Variants in XIRP2 observed in about 807,000 individuals in gnomAD.
The protein encoded by XIRP2 is xin actin-binding repeat-containing protein 2.
A neutral mutation model predicts 277.0 loss-of-function variants in XIRP2; 236 were observed. The ratio of observed to expected loss-of-function variants is 0.85; its 90% confidence interval spans 0.77 to 0.95. The LOEUF (loss-of-function observed/expected upper bound fraction) is 0.95. XIRP2 is among the 40% of genes least tolerant of loss of function. The probability of loss-of-function intolerance (pLI) is 0.00; values close to 1 mark genes in which losing one functional copy is unlikely to be tolerated. For missense variants in XIRP2, 4,640 were observed against 4,157.5 expected (o/e 1.12, Z -3.19); for synonymous variants, 1,490 against 1,416.5 (o/e 1.05, Z -1.17).
At chr2:167,106,591 A>T (rs1690625527) in intron 2 of XIRP2, among the ~76,000 whole-genome samples, 1 of 151,736 alleles carries the variant, frequency 6.6e-6, no homozygotes, top group East Asian at 1.9e-4. Context: ...CTATATAAAA[A>T]TTCTTAAAAT....
In XIRP2 at chr2:167,247,929, AG is replaced by A. The variant is rs1695332060; in HGVS notation, c.6541del (p.Asp2181ThrfsTer8). On this transcript the variant is annotated frameshift_variant, in exon 9 of 11. Coordinates refer to ENST00000409195, the MANE Select transcript of XIRP2 (RefSeq NM_152381.6). LOFTEE classifies it high-confidence loss of function. ...CAGTTGGAGGAACTTACGACCTTTC[AG>A]GGGACTTTCAGAAGCAAACTTTGTT... ...MPVGGTYDLS[G>X]DFQKQTLLKQ... 6.2e-7 allele frequency: 1 copy of A among 1,611,926 alleles called. No homozygotes were observed. Among genetic ancestry groups the A allele is most frequent in the African/African-American group, 1.3e-5 (1 of 74,644 alleles).
chr2:167,007,545 A>G (rs144174769), intron 2 of XIRP2, among the ~76,000 whole-genome samples: 177 of 151,796 alleles, frequency 1.2e-3, no homozygotes, highest in African/African-American at 4.1e-3. Context: ...CAGCAACTGT[A>G]TCACCCTGGT....
At chr2:166,907,163 T>C (rs969916547) in intron 2 of XIRP2, among the ~76,000 whole-genome samples, 5 of 152,294 alleles carry the variant, frequency 3.3e-5, no homozygotes, top group Non-Finnish European at 5.9e-5. Context: ...TTAAACTGAA[T>C]ATTTTCATGC....
At chr2:167,257,742 C>A in intron 10 of XIRP2, 115 bp from the exon 11 acceptor site, 1 of 973,924 alleles carries the variant, frequency 1.0e-6, no homozygotes. Flanking sequence ...AGGGCCATTC[C>A]CATTGCTAGT....
chr2:167,192,307 C>A (rs1305696625), intron 3 of XIRP2, among the ~76,000 whole-genome samples: 3 of 152,072 alleles, frequency 2.0e-5, no homozygotes, highest in African/African-American at 7.2e-5. Flanking sequence ...ACATTTCCCC[C>A]CATTTAATTG....
chr2:167,005,693 GGAT>G (rs1449853396), intron 2 of XIRP2, among the ~76,000 whole-genome samples: 1 of 151,638 alleles, frequency 6.6e-6, no homozygotes, highest in African/African-American at 2.4e-5. Flanking sequence ...GCATGGAGCA[GGAT>G]GATCTTAAAT....
intron 2 of XIRP2, among the ~76,000 whole-genome samples, chr2:167,131,997 C>G (rs75462942): frequency 0.051 from 7,702 of 152,098 alleles, 295 homozygotes; most frequent in African/African-American, 0.11. Context: ...CACTCCCTCT[C>G]TCTCTCATTC....
chr2:167,085,286 G>C lies in XIRP2; in HGVS notation c.409-50623G>C, dbSNP rs931896712. The stretch of plus-strand genomic sequence containing the variant: ...GTTTCTTAATCCTGAGTTCTAGTTT[G>C]ATTGCACTGTGGTCTGAGAGAGAGT... On this transcript the variant is annotated intron_variant, in intron 2 of 10. Coordinates refer to ENST00000409195, the MANE Select transcript of XIRP2 (RefSeq NM_152381.6). Among the ~76,000 whole-genome samples, 10 of 151,988 alleles carry C rather than the reference G, an allele frequency of 6.6e-5. 1 individual carries two copies. Among genetic ancestry groups the C allele is most frequent in the African/African-American group, 2.4e-4 (10 of 41,496 alleles).
Position 167,259,704 on chromosome 2 carries a change from C to G in XIRP2, c.*1887C>G, listed in dbSNP as rs922150095. ...GCTTGTCACAATTATTATAACTTCT[C>G]TGTAATTTCCTCTGAAATAAAATTG... is the stretch of plus-strand genomic sequence containing the variant. On this transcript the variant is annotated 3_prime_UTR_variant, in exon 11 of 11. Transcript: ENST00000409195. 5.0e-5 allele frequency: 10 copies of G among 201,842 alleles called. No homozygotes were observed. Among genetic ancestry groups the G allele is most frequent in the African/African-American group, 2.3e-4 (10 of 42,576 alleles). The allele number at this position is 201,842 out of a possible 1,614,324, so 12.5% of individuals were successfully genotyped here.
At position 167,247,432 on chromosome 2, in the gene XIRP2, A is replaced by G. The variant is rs577325551; in HGVS notation, c.6040A>G (p.Thr2014Ala). Residue 2014 changes from threonine (T) to alanine (A), a missense_variant, in exon 9 of 11, where the codon ACT (threonine) becomes GCT (alanine). By Grantham distance (58) the Thr-to-Ala change is moderately conservative. Transcript: ENST00000409195. ...CCATGGCAATTTAGTAGAAGAAAGA[A>G]CTGAGGTTAATCTTCCAAAAGCCCC... ...SCHGNLVEERTEVNLPKAPKG... is the reference protein window; with the variant it reads ...SCHGNLVEERAEVNLPKAPKG... The G allele has an allele frequency of 5.7e-5, 92 of 1,613,644 alleles. 2 individuals are homozygous for G. In the South Asian group the frequency reaches 9.7e-4, roughly 17 times the overall value.
At chr2:167,188,659 G>A (rs1184228154) in intron 3 of XIRP2, among the ~76,000 whole-genome samples, 1 of 152,176 alleles carries the variant, frequency 6.6e-6, no homozygotes, top group Non-Finnish European at 1.5e-5. Context: ...GTATTTCTCT[G>A]CTCCTCTGCC....
chr2:166,892,898 A>G (rs1014922849), intron 1 of XIRP2, among the ~76,000 whole-genome samples: 2 of 148,688 alleles, frequency 1.3e-5, no homozygotes, highest in African/African-American at 2.5e-5. Context: ...ATATGTGTAT[A>G]TATGTATATT....
intron 2 of XIRP2, among the ~76,000 whole-genome samples, chr2:167,039,362 A>G (rs1264944583): frequency 6.6e-6 from 1 of 152,226 alleles, no homozygotes; most frequent in Non-Finnish European, 1.5e-5. Context: ...TACATGCCAG[A>G]CACTCTGCTA....
At chr2:166,948,968 C>A (rs1685955491) in intron 2 of XIRP2, among the ~76,000 whole-genome samples, 1 of 151,968 alleles carries the variant, frequency 6.6e-6, no homozygotes, top group African/African-American at 2.4e-5. Context: ...ATTTTTCCTA[C>A]CAGTACTCCA....
At chr2:167,129,417 CA>C (rs1177489440) in intron 2 of XIRP2, among the ~76,000 whole-genome samples, 4 of 152,082 alleles carry the variant, frequency 2.6e-5, no homozygotes, top group Non-Finnish European at 4.4e-5. Flanking sequence ...GCTTTCTTTT[CA>C]AATGCCTGGT....
chr2:167,155,142 T>C (rs953005655), intron 3 of XIRP2, among the ~76,000 whole-genome samples: 2 of 150,126 alleles, frequency 1.3e-5, no homozygotes, highest in Non-Finnish European at 3.0e-5. Flanking sequence ...ACCAGATGGA[T>C]TCACAGCCGA....
At chr2:166,912,977 AG>A (rs2105348420) in intron 2 of XIRP2, among the ~76,000 whole-genome samples, 1 of 152,264 alleles carries the variant, frequency 6.6e-6, no homozygotes, top group African/African-American at 2.4e-5. Flanking sequence ...TTCGTCTCAG[AG>A]GGTTACTCGG....
chr2:167,258,144 G>A lies in XIRP2; in HGVS notation c.*327G>A. 2 of 1,613,110 alleles carry A rather than the reference G, an allele frequency of 1.2e-6. No homozygotes were observed. Among genetic ancestry groups the A allele is most frequent in the Non-Finnish European group, 1.7e-6 (2 of 1,179,548 alleles). ...GATTTGAGAAAATTAGGGGAAAGGG[G>A]AAAATTAAAAGTCATTTGGCCTCCT... On this transcript the variant is annotated 3_prime_UTR_variant, in exon 11 of 11. Coordinates refer to ENST00000409195, the MANE Select transcript of XIRP2 (RefSeq NM_152381.6).
At chr2:167,179,495 TATCTTTA>T (rs1692948689) in intron 3 of XIRP2, among the ~76,000 whole-genome samples, 1 of 151,974 alleles carries the variant, frequency 6.6e-6, no homozygotes, top group Admixed American at 6.6e-5. Flanking sequence ...TAATTTTTTG[TATCTTTA>T]GTAGTGACAG....
Sources: allele counts gnomAD v4.1 joint callset (sites outside exome capture counted in the v4.1 genomes callset), GRCh38; gene constraint gnomAD v4.1.1; transcripts MANE v1.5; gene names NCBI Gene and HGNC (gene_info 2026-07-23, HGNC 2026-07-21).